COL10A1: variants seen among roughly 807,000 people sequenced by gnomAD.
The protein encoded by COL10A1 is collagen alpha-1(X) chain.
In COL10A1, 10 loss-of-function variants were observed where a neutral mutation model predicts 18.2. That is an observed-to-expected ratio of 0.55 (90% CI 0.34 to 0.93). The LOEUF (loss-of-function observed/expected upper bound fraction) is 0.93, where lower values mean the gene tolerates loss of function less well. Among genes scored for constraint, COL10A1 ranks in the 40% least tolerant of loss-of-function variants. The pLI is 0.02. For missense variants in COL10A1, 897 were observed against 853.5 expected, an observed-to-expected ratio of 1.05 and a Z score of -0.64; for synonymous variants, 330 against 316.6, an observed-to-expected ratio of 1.04 and a Z score of -0.45.
the COL10A1 span, among the ~76,000 whole-genome samples, chr6:116,185,032 C>T: frequency 6.6e-6 from 1 of 151,964 alleles, no homozygotes; most frequent in African/African-American, 2.4e-5. Context: ...ACTGCCTTTG[C>T]TGTATTCTGG....
chr6:116,140,332 G>A (rs2114362278), intron 1 of COL10A1, among the ~76,000 whole-genome samples: 1 of 152,220 alleles, frequency 6.6e-6, no homozygotes, highest in East Asian at 1.9e-4. Flanking sequence ...CAGAGTGGGA[G>A]CACCACCTTT....
At chr6:116,129,200 A>C (rs1278514360), upstream of COL10A1, among the ~76,000 whole-genome samples, 1 of 152,236 alleles carries the variant, frequency 6.6e-6, no homozygotes, top group African/African-American at 2.4e-5. Flanking sequence ...TGTAGTTCAC[A>C]TACATATATA....
At chr6:116,206,477 A>T in the COL10A1 span, among the ~76,000 whole-genome samples, 1 of 152,088 alleles carries the variant, frequency 6.6e-6, no homozygotes, top group East Asian at 1.9e-4. Context: ...ATTTGGGTCC[A>T]TACCACCCAG....
Position 116,120,105 on chromosome 6 carries a change from A to C in COL10A1, c.2011T>G (p.Ser671Ala). The C allele has an allele frequency of 6.2e-7, 1 of 1,614,158 alleles. No individual in the cohort carries two copies. Among genetic ancestry groups the C allele is most frequent in the Non-Finnish European group, 8.5e-7 (1 of 1,180,002 alleles). ...GLYSSEYVHS[S>A]FSGFLVAPM The stretch of plus-strand genomic sequence containing the variant: ...GGAGCCACTAGGAATCCTGAGAAAG[A>C]GGAGTGGACATACTCAGAGGAGTAT... Residue 671 changes from serine to alanine, a missense_variant, in exon 3 of 3, where the codon TCT becomes GCT. Ser to Ala is a moderately conservative substitution (Grantham distance 99). Coordinates refer to ENST00000651968, the MANE Select transcript of COL10A1 (RefSeq NM_000493.4).
At chr6:116,200,727 C>T in the COL10A1 span, among the ~76,000 whole-genome samples, 4 of 151,946 alleles carry the variant, frequency 2.6e-5, no homozygotes, top group African/African-American at 7.2e-5. Flanking sequence ...CCTTATGGAT[C>T]GTACTTCATC....
chr6:116,202,398 T>A, the COL10A1 span, among the ~76,000 whole-genome samples: 4 of 152,004 alleles, frequency 2.6e-5, no homozygotes, highest in African/African-American at 9.7e-5. Context: ...AAAATAAAAT[T>A]CACTGAGTTT....
At chr6:116,210,088 C>G in the COL10A1 span, among the ~76,000 whole-genome samples, 1 of 151,966 alleles carries the variant, frequency 6.6e-6, no homozygotes, top group Non-Finnish European at 1.5e-5. Context: ...GGTGTGATTT[C>G]TAAGGCTCCT....
At chr6:116,146,636 G>C (rs1779904055) in intron 1 of COL10A1, among the ~76,000 whole-genome samples, 1 of 152,154 alleles carries the variant, frequency 6.6e-6, no homozygotes, top group South Asian at 2.1e-4. Context: ...GTATCTTACA[G>C]TTTCCTATAG....
At chr6:116,189,158 GTTC>G in the COL10A1 span, among the ~76,000 whole-genome samples, 1 of 151,604 alleles carries the variant, frequency 6.6e-6, no homozygotes, top group Non-Finnish European at 1.5e-5. Flanking sequence ...CTTGAATTTT[GTTC>G]TTTTTTTTAG....
At chr6:116,180,772 T>G in the COL10A1 span, among the ~76,000 whole-genome samples, 2 of 152,114 alleles carry the variant, frequency 1.3e-5, no homozygotes, top group African/African-American at 4.8e-5. Context: ...CCCAATTTCA[T>G]CAGTGAATAA....
intron 1 of COL10A1, among the ~76,000 whole-genome samples, chr6:116,156,688 A>G (rs1780203767): frequency 6.6e-6 from 1 of 152,216 alleles, no homozygotes. Flanking sequence ...GACACTGCAG[A>G]TATTCTTATT....
At chr6:116,178,311 G>A in the COL10A1 span, among the ~76,000 whole-genome samples, 30 of 152,252 alleles carry the variant, frequency 2.0e-4, no homozygotes, top group East Asian at 2.3e-3. Context: ...GACATTGGGC[G>A]CATTCAGGGT....
intron 1 of COL10A1, among the ~76,000 whole-genome samples, chr6:116,142,335 TC>T (rs1180943242): frequency 6.6e-6 from 1 of 152,044 alleles, no homozygotes; most frequent in Admixed American, 6.5e-5. Context: ...AGTAGAGATT[TC>T]AAGTTGTAAA....
At chr6:116,212,098 A>G in the COL10A1 span, among the ~76,000 whole-genome samples, 14 of 152,090 alleles carry the variant, frequency 9.2e-5, no homozygotes, top group Non-Finnish European at 1.9e-4. Flanking sequence ...TTCTAATACT[A>G]TTTTATCAAT....
At chr6:116,190,570 G>A in the COL10A1 span, among the ~76,000 whole-genome samples, 450 of 152,062 alleles carry the variant, frequency 3.0e-3, no homozygotes, top group Non-Finnish European at 4.5e-3. Flanking sequence ...AAATTAAATT[G>A]AGAGGGAAAA....
At chr6:116,135,329 G>A (rs765800891) in intron 1 of COL10A1, among the ~76,000 whole-genome samples, 7 of 151,886 alleles carry the variant, frequency 4.6e-5, no homozygotes, top group African/African-American at 7.3e-5. Flanking sequence ...ATTAAAATAC[G>A]AATATTAGAG....
chr6:116,132,263 T>G (rs888233855), intron 1 of COL10A1, among the ~76,000 whole-genome samples: 3 of 152,314 alleles, frequency 2.0e-5, no homozygotes, highest in Non-Finnish European at 4.4e-5. Flanking sequence ...TTTTTAATTT[T>G]TGTCCACCTT....
chr6:116,202,252 G>A, the COL10A1 span, among the ~76,000 whole-genome samples: 116 of 151,994 alleles, frequency 7.6e-4, no homozygotes, highest in African/African-American at 2.7e-3. Context: ...TATTCTTTTC[G>A]AGAAAACATT....
At chr6:116,197,989 G>T in the COL10A1 span, among the ~76,000 whole-genome samples, 1 of 152,116 alleles carries the variant, frequency 6.6e-6, no homozygotes, top group South Asian at 2.1e-4. Context: ...GCAATTTATG[G>T]CCCCAGGGCA....
Sources: gnomAD v4.1 joint callset for allele counts (sites outside exome capture counted in the v4.1 genomes callset) on GRCh38, gnomAD v4.1.1 for gene constraint, MANE v1.5 for transcripts, NCBI Gene and HGNC (gene_info 2026-07-23, HGNC 2026-07-21) for gene names.